Variants in TMCC2 observed in about 807,000 individuals in gnomAD.
TMCC2 encodes transmembrane and coiled-coil domains protein 2.
In TMCC2, 16 loss-of-function variants were observed where a neutral mutation model predicts 49.4. The observed-to-expected ratio is 0.32, with a 90% confidence interval of 0.22 to 0.49. The LOEUF (loss-of-function observed/expected upper bound fraction) is 0.49. Among genes scored for constraint, TMCC2 ranks in the 20% least tolerant of loss-of-function variants. TMCC2 has a pLI of 0.99. For synonymous variants in TMCC2, 397 were observed against 434.1 expected, an observed-to-expected ratio of 0.91 and a Z score of 1.06; for missense variants, 762 against 989.8, an observed-to-expected ratio of 0.77 and a Z score of 3.09.
At chr1:205,230,224 G>C in intron 1 of TMCC2, 1 of 949,418 alleles carries the variant, frequency 1.1e-6, no homozygotes. Context: ...CCTTGGGGAG[G>C]AGTGAAAAGG....
chr1:205,255,276 C>T (rs1031937275), intron 2 of TMCC2, among the ~76,000 whole-genome samples: 8 of 150,940 alleles, frequency 5.3e-5, no homozygotes, highest in Non-Finnish European at 8.9e-5. Flanking sequence ...GTATCTTGGC[C>T]GGGTGCAGTG....
chr1:205,271,348 G>C (rs762199456), intron 4 of TMCC2, 93 bp downstream of exon 4: 1 of 1,601,350 alleles, frequency 6.2e-7, no homozygotes. Context: ...GGGCATGATA[G>C]ACACAGGCTG....
chr1:205,265,708 C>G (rs1030264111), intron 2 of TMCC2, among the ~76,000 whole-genome samples: 4 of 151,516 alleles, frequency 2.6e-5, no homozygotes, highest in Non-Finnish European at 4.4e-5. Flanking sequence ...TTACAGGCGT[C>G]CGCCACCACG....
intron 2 of TMCC2, among the ~76,000 whole-genome samples, chr1:205,258,842 A>AGTCT (rs1217871183): frequency 6.6e-6 from 1 of 152,162 alleles, no homozygotes; most frequent in Non-Finnish European, 1.5e-5. Context: ...TCTCCATCCT[A>AGTCT]GTCTGGTTGA....
chr1:205,268,207 C>A, intron 2 of TMCC2: 1 of 402,512 alleles, frequency 2.5e-6, no homozygotes, highest in Non-Finnish European at 3.4e-6. Context: ...AAGGCAGGAG[C>A]CTTATGAAGT....
intron 2 of TMCC2, among the ~76,000 whole-genome samples, chr1:205,261,872 A>G (rs1574860810): frequency 6.6e-6 from 1 of 151,996 alleles, no homozygotes. Flanking sequence ...CCTTTCCTTT[A>G]CCTTCCGCAG....
intron 1 of TMCC2, among the ~76,000 whole-genome samples, chr1:205,235,647 A>G (rs998831779): frequency 5.9e-5 from 9 of 152,172 alleles, no homozygotes; most frequent in African/African-American, 1.9e-4. Flanking sequence ...AGCATGCTAC[A>G]TTTTTGGAAT....
chr1:205,252,571 A>G (rs1330113104), intron 2 of TMCC2, among the ~76,000 whole-genome samples: 2 of 152,220 alleles, frequency 1.3e-5, no homozygotes, highest in Non-Finnish European at 2.9e-5. Flanking sequence ...CCTCTGAAAG[A>G]TGACCATTTT....
chr1:205,230,022 G>A lies in TMCC2; in HGVS notation c.207+1251G>A, dbSNP rs1013358115. The A allele has an allele frequency of 3.0e-5, 30 of 985,368 alleles. No homozygotes were observed. The African/African-American group carries it at 4.4e-4, about 14-fold the overall frequency. 61.0% of individuals were successfully genotyped at this position (985,368 alleles called of 1,614,324 possible). ...AGTTATTTTCTCCAGAGAAGGTGCA[G>A]GGTCTGGGCTAGGGAAACGGAAAGG... On this transcript the variant is annotated intron_variant, in intron 1 of 4. Coordinates refer to ENST00000358024, the MANE Select transcript of TMCC2 (RefSeq NM_014858.4).
At position 205,231,365 on chromosome 1, in the gene TMCC2, C is replaced by T. The variant is rs918108325; in HGVS notation, c.207+2594C>T. 4.6e-5 allele frequency among the ~76,000 whole-genome samples: 7 copies of T among 152,066 alleles called. No homozygotes were observed. In the East Asian group the frequency reaches 5.8e-4, roughly 13 times the overall value. On this transcript the variant is annotated intron_variant, in intron 1 of 4. Transcript: ENST00000358024. ...AGGCTAGAGTGCAGTAGCATGACCA[C>T]GACTCACTGCAGTCTCAAACTCCCA...
chr1:205,228,275 C>G lies in TMCC2; in HGVS notation c.-290C>G, dbSNP rs1659651072. On this transcript the variant is annotated 5_prime_UTR_variant, in exon 1 of 5. Coordinates refer to ENST00000358024, the MANE Select transcript of TMCC2 (RefSeq NM_014858.4). ...GGGCCGGGGGTTGTCTCCCTTCTCC[C>G]TCCTGCAATGACTGCCCAAGGACTC... 3 of 272,382 alleles carry G rather than the reference C, an allele frequency of 1.1e-5. No individual in the cohort carries two copies. Among genetic ancestry groups the G allele is most frequent in the Non-Finnish European group, 2.1e-5 (3 of 144,210 alleles). The allele number at this position is 272,382 out of a possible 1,614,324, so 16.9% of individuals were successfully genotyped here.
chr1:205,265,418 A>G (rs1661282316), intron 2 of TMCC2, among the ~76,000 whole-genome samples: 1 of 152,102 alleles, frequency 6.6e-6, no homozygotes, highest in African/African-American at 2.4e-5. Flanking sequence ...TAGTCCTAAA[A>G]CACTTTTGCT....
chr1:205,266,261 A>T (rs1661325594), intron 2 of TMCC2, among the ~76,000 whole-genome samples: 1 of 146,736 alleles, frequency 6.8e-6, no homozygotes. Context: ...AAAAAAAAAA[A>T]GTTCTGTAAC....
intron 1 of TMCC2, chr1:205,229,556 G>C (rs933136129): frequency 1.8e-5 from 12 of 683,576 alleles, no homozygotes; most frequent in African/African-American, 4.9e-5. Flanking sequence ...GGGGGGGGGG[G>C]GGTGGTGGCG....
Position 205,271,796 on chromosome 1 carries a change from C to T in TMCC2, c.1819-17C>T, listed in dbSNP as rs766888346. 33 of 1,603,226 alleles carry T rather than the reference C, an allele frequency of 2.1e-5. No homozygotes were observed. The Middle Eastern group carries it at 5.7e-4, about 28-fold the overall frequency. Reference sequence around the variant, plus strand: ...CCCATCCTGAGCGCACACATGCCAGCCCCTCTGCCCCTGCAGGAGGCCGTG... The same window carrying T: ...CCCATCCTGAGCGCACACATGCCAGTCCCTCTGCCCCTGCAGGAGGCCGTG... On this transcript the variant is annotated splice_polypyrimidine_tract_variant and intron_variant, in intron 4 of 4. Transcript: ENST00000358024.
chr1:205,247,575 G>T (rs1333443877), intron 2 of TMCC2, among the ~76,000 whole-genome samples: 1 of 152,182 alleles, frequency 6.6e-6, no homozygotes, highest in African/African-American at 2.4e-5. Flanking sequence ...ACCCTGCTCT[G>T]TCAGCTGACT....
chr1:205,246,610 G>C lies in TMCC2; in HGVS notation c.747+4566G>C, dbSNP rs951212930. 2.6e-6 allele frequency: 4 copies of C among 1,550,152 alleles called. No individual in the cohort carries two copies. The African/African-American group carries it at 5.5e-5, about 21-fold the overall frequency. On this transcript the variant is annotated intron_variant, in intron 2 of 4. Coordinates refer to ENST00000358024, the MANE Select transcript of TMCC2 (RefSeq NM_014858.4). ...CTTTGTGAAATTGAGAGCTGGAGGA[G>C]CCCAGCAGAATGAACCAGGTTGTTC...
At chr1:205,256,445 G>A in intron 2 of TMCC2, 1 of 1,549,428 alleles carries the variant, frequency 6.5e-7, no homozygotes, top group Non-Finnish European at 8.7e-7. Context: ...CTTTATCTTG[G>A]GTGTTTTTGC....
rs1176579482 is a variant in TMCC2 at position 205,269,138 on chromosome 1, C to G, written c.936C>G (p.Asp312Glu). 6.2e-7 allele frequency: 1 copy of G among 1,614,110 alleles called. No homozygotes were observed. Among genetic ancestry groups the G allele is most frequent in the Non-Finnish European group, 8.5e-7 (1 of 1,180,032 alleles). Residue 312 changes from aspartate to glutamate, a missense_variant, in exon 3 of 5, where the codon GAC (aspartate) becomes GAG (glutamate). Asp to Glu is a conservative substitution (Grantham distance 45, BLOSUM62 2). Coordinates refer to ENST00000358024, the MANE Select transcript of TMCC2 (RefSeq NM_014858.4). The part of the protein sequence containing the change: ...QIKIEQEARD[D>E]NVAEYLKLAN... ...AGATTGAGCAGGAGGCTCGCGACGACAATGTGGCAGAGTATCTGAAACTGG... is the reference window on the plus strand; with the variant it reads ...AGATTGAGCAGGAGGCTCGCGACGAGAATGTGGCAGAGTATCTGAAACTGG...
Sources: allele counts gnomAD v4.1 joint callset (sites outside exome capture counted in the v4.1 genomes callset), GRCh38; gene constraint gnomAD v4.1.1; transcripts MANE v1.5; gene names NCBI Gene and HGNC (gene_info 2026-07-23, HGNC 2026-07-21).